Variants in MCC observed in about 807,000 individuals in gnomAD.
The protein encoded by MCC is colorectal mutant cancer protein.
MCC carries 90 observed loss-of-function variants against 116.2 expected under a neutral mutation model. That is an observed-to-expected ratio of 0.77 (90% confidence interval 0.65 to 0.92). MCC has a LOEUF of 0.92. Among genes scored for constraint, MCC ranks in the 40% least tolerant of loss-of-function variants. MCC has a pLI of 0.00. For missense variants in MCC, 1,516 were observed against 1,312.2 expected (o/e 1.16, Z -2.40); for synonymous variants, 578 against 510.5 (o/e 1.13, Z -1.78).
At position 113,101,878 on chromosome 5, in the gene MCC, C is replaced by G; in HGVS notation, c.1259G>C (p.Arg420Pro). 3 of 1,613,958 alleles carry G rather than the reference C, an allele frequency of 1.9e-6. No individual in the cohort carries two copies. Among genetic ancestry groups the G allele is most frequent in the East Asian group, 4.5e-5 (2 of 44,876 alleles). Residue 420 changes from arginine to proline, a missense_variant, in exon 8 of 19, where the codon CGG (arginine) becomes CCG (proline). Physicochemically the swap from Arg to Pro is moderately radical, Grantham distance 103 (BLOSUM62 -2). Transcript: ENST00000408903. ...LYPNLAEERSRWEKELAGLRE... is the reference protein window; with the variant it reads ...LYPNLAEERSPWEKELAGLRE... ...CAGCCCAGCCAGCTCCTTCTCCCAC[C>G]GAGACCTCTCTTCAGCCAGGTTGGG... is the stretch of plus-strand genomic sequence containing the variant.
chr5:113,072,312 A>T (rs1042606060), intron 11 of MCC, among the ~76,000 whole-genome samples: 4 of 152,196 alleles, frequency 2.6e-5, no homozygotes, highest in South Asian at 2.1e-4. Flanking sequence ...AAGAACTAAG[A>T]TCACTGCCAG....
intron 1 of MCC, among the ~76,000 whole-genome samples, chr5:113,441,791 C>T (rs10068838): frequency 0.031 from 4,777 of 152,232 alleles, 117 homozygotes; most frequent in African/African-American, 0.065. Context: ...CTGAGAATGA[C>T]GGTTTCCAGC....
intron 2 of MCC, among the ~76,000 whole-genome samples, chr5:113,366,996 T>C (rs1360467339): frequency 1.3e-5 from 2 of 151,986 alleles, no homozygotes; most frequent in Admixed American, 6.6e-5. Context: ...AGATACAGGG[T>C]CTCCCTATGT....
intron 8 of MCC, among the ~76,000 whole-genome samples, chr5:113,091,684 C>T (rs1220926435): frequency 6.6e-6 from 1 of 152,066 alleles, no homozygotes. Context: ...GAGTTTGAGA[C>T]CAGCCTGGGC....
intron 11 of MCC, among the ~76,000 whole-genome samples, chr5:113,075,803 T>C (rs557082379): frequency 1.3e-5 from 2 of 152,334 alleles, no homozygotes; most frequent in South Asian, 4.1e-4. Context: ...TAAATCTTGC[T>C]GCTGCTCACT....
chr5:113,339,704 A>T (rs1256138488), intron 3 of MCC, among the ~76,000 whole-genome samples: 2 of 152,238 alleles, frequency 1.3e-5, no homozygotes, highest in Non-Finnish European at 2.9e-5. Flanking sequence ...TCCTTCAAAC[A>T]TCCCACCAAA....
Position 113,340,621 on chromosome 5 carries a change from G to A in MCC, c.525C>T (p.Gly175=), listed in dbSNP as rs569072780. ...CAGCCTGCTGATGCAAAGAGCTTCCGCCATACTCGAGCAGCTTCTGGAGGG... is the reference window on the plus strand; with the variant it reads ...CAGCCTGCTGATGCAAAGAGCTTCCACCATACTCGAGCAGCTTCTGGAGGG... ...QSALQKLLEY[G]GSSLHQQAAL... The change falls in exon 3 of 19, where the codon GGC becomes GGT. Residue 175 remains glycine (G), a synonymous_variant. Transcript: ENST00000408903. 3.7e-6 allele frequency: 6 copies of A among 1,614,026 alleles called. No individual in the cohort carries two copies. The highest frequency in any genetic ancestry group is 1.3e-5 in the African/African-American group (1 of 74,934).
intron 3 of MCC, among the ~76,000 whole-genome samples, chr5:113,279,629 C>A (rs768798840): frequency 2.0e-5 from 3 of 152,134 alleles, no homozygotes; most frequent in Non-Finnish European, 4.4e-5. Flanking sequence ...ATCCCCCAAG[C>A]CCCATCTTCT....
chr5:113,132,070 T>C (rs572976598), intron 5 of MCC, among the ~76,000 whole-genome samples: 5 of 150,248 alleles, frequency 3.3e-5, no homozygotes, highest in African/African-American at 1.3e-4. Context: ...TGATTTATAG[T>C]GTGGGATATA....
At chr5:113,330,491 C>T (rs949609757) in intron 3 of MCC, among the ~76,000 whole-genome samples, 1 of 152,164 alleles carries the variant, frequency 6.6e-6, no homozygotes, top group Non-Finnish European at 1.5e-5. Flanking sequence ...TTTGCCTTTT[C>T]TTCAAAAACG....
chr5:113,219,855 C>T (rs1763472006), intron 3 of MCC, among the ~76,000 whole-genome samples: 1 of 151,910 alleles, frequency 6.6e-6, no homozygotes, highest in South Asian at 2.1e-4. Flanking sequence ...AATGTTTTTC[C>T]TATGCCATTT....
intron 3 of MCC, among the ~76,000 whole-genome samples, chr5:113,335,327 T>G (rs1767845491): frequency 6.6e-6 from 1 of 151,816 alleles, no homozygotes; most frequent in Non-Finnish European, 1.5e-5. Context: ...TCCACATGGC[T>G]TCTCTTCTAG....
At chr5:113,306,259 C>T (rs55834943) in intron 3 of MCC, among the ~76,000 whole-genome samples, 2,074 of 152,206 alleles carry the variant, frequency 0.014, 52 homozygotes, top group African/African-American at 0.047. Context: ...TCAATTCTCT[C>T]GGGTATATAC....
At chr5:113,115,033 C>T (rs758577375) in intron 6 of MCC, among the ~76,000 whole-genome samples, 2 of 148,858 alleles carry the variant, frequency 1.3e-5, no homozygotes, top group Non-Finnish European at 2.9e-5. Context: ...AAGCTGTCCA[C>T]GAACAGCAAA....
intron 1 of MCC, among the ~76,000 whole-genome samples, chr5:113,438,195 G>C (rs1770917212): frequency 6.6e-6 from 1 of 152,106 alleles, no homozygotes; most frequent in Admixed American, 6.5e-5. Flanking sequence ...CTTATTTTTG[G>C]GTTGTGGGGG....
intron 3 of MCC, chr5:113,294,987 C>G: frequency 3.0e-6 from 3 of 984,584 alleles, no homozygotes; most frequent in Non-Finnish European, 3.6e-6. Flanking sequence ...CCACGGGGTG[C>G]GCGGAGGAGG....
chr5:113,114,710 G>T (rs192657469), intron 6 of MCC, among the ~76,000 whole-genome samples: 1 of 152,166 alleles, frequency 6.6e-6, no homozygotes, highest in Non-Finnish European at 1.5e-5. Flanking sequence ...ACTTCAGAGC[G>T]ATGGCTTGAC....
chr5:113,363,456 C>T (rs1032350384), intron 2 of MCC, among the ~76,000 whole-genome samples: 2 of 152,140 alleles, frequency 1.3e-5, no homozygotes, highest in Admixed American at 6.5e-5. Context: ...GGGGAGCCAG[C>T]ACTTCACACA....
At chr5:113,272,426 C>A (rs1765650668) in intron 3 of MCC, among the ~76,000 whole-genome samples, 2 of 152,156 alleles carry the variant, frequency 1.3e-5, no homozygotes, top group Admixed American at 1.3e-4. Context: ...TCCTTTAATT[C>A]TTCTCTCTTT....
Sources: allele counts gnomAD v4.1 joint callset (sites outside exome capture counted in the v4.1 genomes callset), GRCh38; gene constraint gnomAD v4.1.1; transcripts MANE v1.5; gene names NCBI Gene and HGNC (gene_info 2026-07-23, HGNC 2026-07-21).